The following RSPH10B variants were observed in gnomAD, a reference collection of about 807,000 sequenced individuals.
RSPH10B encodes the protein radial spoke head 10 homolog B (Chlamydomonas).
In RSPH10B, 7 loss-of-function variants were observed where a neutral mutation model predicts 52.5. The observed-to-expected ratio is 0.13, with a 90% CI of 0.08 to 0.25. RSPH10B has a LOEUF of 0.25. RSPH10B is among the 10% of genes least tolerant of loss of function. The probability of loss-of-function intolerance (pLI) is 1.00; values close to 1 mark genes in which losing one functional copy is unlikely to be tolerated. For synonymous variants in RSPH10B, 28 were observed against 193.2 expected, an observed-to-expected ratio of 0.14 and a Z score of 7.09; for missense variants, 89 against 542.5, an observed-to-expected ratio of 0.16 and a Z score of 8.30.
At chr7:5,943,974 G>A in exon 12 of RSPH10B, 1 of 1,604,650 alleles carries the variant, frequency 6.2e-7, no homozygotes, top group Non-Finnish European at 8.5e-7. Flanking sequence ...CACAAGAAGA[G>A]GGATGGGCTT....
chr7:5,927,426 A>T (rs1779558098), intron 18 of RSPH10B, among the ~76,000 whole-genome samples: 1 of 81,638 alleles, frequency 1.2e-5, no homozygotes, highest in Non-Finnish European at 2.4e-5. Flanking sequence ...AGACCTGATT[A>T]AGTCACTGGC....
chr7:5,965,876 G>A (rs1198152646), intron 1 of RSPH10B, among the ~76,000 whole-genome samples, 164 bp from the exon 4 acceptor site: 1 of 118,442 alleles, frequency 8.4e-6, no homozygotes, highest in Non-Finnish European at 1.7e-5. Context: ...GGTTACCAGG[G>A]GTTTGAAAGT....
intron 11 of RSPH10B, among the ~76,000 whole-genome samples, chr7:5,944,265 G>T (rs1780373906): frequency 6.6e-6 from 1 of 150,766 alleles, no homozygotes; most frequent in Non-Finnish European, 1.5e-5. Context: ...GGGCTTGGTG[G>T]CAGACACCGG....
At chr7:5,961,486 C>A (rs1780945576) in intron 3 of RSPH10B, among the ~76,000 whole-genome samples, 1 of 89,678 alleles carries the variant, frequency 1.1e-5, no homozygotes, top group Non-Finnish European at 2.4e-5. Flanking sequence ...ATTACAGGCA[C>A]CCATCATCAC....
rs1283364476 is a variant in RSPH10B, at chr7:5,943,761, G to C, written c.1609+150C>G. On this transcript the variant is annotated intron_variant, in intron 12 of 18. Transcript: ENST00000337579. Reference sequence around the variant, plus strand: ...GGGTTTTGCCATGTTGGCCAGGCTGGTCTTGAACTCCTTGACCTCAGGTGA... The same window carrying C: ...GGGTTTTGCCATGTTGGCCAGGCTGCTCTTGAACTCCTTGACCTCAGGTGA... The C allele has an allele frequency of 1.0e-5, 15 of 1,481,852 alleles. No individual in the cohort carries two copies. The African/African-American group carries it at 1.4e-4, about 14-fold the overall frequency. The allele number at this position is 1,481,852 out of a possible 1,614,324, so 91.8% of individuals were successfully genotyped here. A position where few individuals can be genotyped will look rare whatever the true frequency, so the allele number is the denominator to read the frequency against.
At chr7:5,943,432 C>G (rs148485394) in exon 13 of RSPH10B, 1 of 1,590,628 alleles carries the variant, frequency 6.3e-7, no homozygotes, top group East Asian at 2.2e-5. Context: ...TCATGTAACT[C>G]ATAGAGTAGA....
At chr7:5,961,340 G>GT (rs1021377767) in intron 3 of RSPH10B, among the ~76,000 whole-genome samples, 1 of 146,684 alleles carries the variant, frequency 6.8e-6, no homozygotes, top group African/African-American at 2.5e-5. Flanking sequence ...GATTTTATTT[G>GT]TTTTTGTTTT....
chr7:5,947,785 C>T (rs1191378375), intron 10 of RSPH10B, among the ~76,000 whole-genome samples: 1 of 80,532 alleles, frequency 1.2e-5, no homozygotes, highest in African/African-American at 4.8e-5. Context: ...GCTCACCTTC[C>T]ACTGTGTAGC....
At chr7:5,930,993 G>T (rs1779733241) in intron 17 of RSPH10B, among the ~76,000 whole-genome samples, 1 of 101,916 alleles carries the variant, frequency 9.8e-6, no homozygotes, top group Admixed American at 1.0e-4. Context: ...GAATGCAATG[G>T]CATGGTCTCA....
chr7:5,927,894 C>T (rs1388675280), intron 18 of RSPH10B: 31 of 472,436 alleles, frequency 6.6e-5, no homozygotes, highest in Non-Finnish European at 1.0e-4. Context: ...TGAGATCATA[C>T]CACCCCACTC....
exon 13 of RSPH10B, chr7:5,943,445 G>A (rs374427152): frequency 4.0e-5 from 64 of 1,589,768 alleles, no homozygotes; most frequent in Middle Eastern, 3.4e-4. Flanking sequence ...AGAGTAGAGC[G>A]TCCGCTGTTG....
chr7:5,947,884 G>GTGTA (rs1271023415), intron 10 of RSPH10B, among the ~76,000 whole-genome samples: 1 of 101,976 alleles, frequency 9.8e-6, no homozygotes, highest in African/African-American at 3.8e-5. Context: ...GTGTGTGTGT[G>GTGTA]TGTGTGTGAT....
intron 6 of RSPH10B, 128 bp downstream of exon 8, chr7:5,957,779 G>A: frequency 7.5e-7 from 1 of 1,328,586 alleles, no homozygotes; most frequent in Non-Finnish European, 9.8e-7. Context: ...CTGGGAGACA[G>A]ACAGAGAGAG....
chr7:5,927,096 G>A (rs1279257282), intron 18 of RSPH10B, among the ~76,000 whole-genome samples: 20 of 140,020 alleles, frequency 1.4e-4, no homozygotes, highest in South Asian at 2.2e-4. Context: ...GTGTGTGTGT[G>A]TATTTTTTTT....
chr7:5,927,088 G>GTATATATATATA (rs1779524488), intron 18 of RSPH10B, among the ~76,000 whole-genome samples: 1 of 70,552 alleles, frequency 1.4e-5, no homozygotes, highest in Non-Finnish European at 2.8e-5. Flanking sequence ...GTGTGTGTGT[G>GTATATATATATA]TGTGTGTGTA....
At chr7:5,944,402 A>C (rs1780381421) in intron 11 of RSPH10B, among the ~76,000 whole-genome samples, 1 of 150,898 alleles carries the variant, frequency 6.6e-6, no homozygotes, top group African/African-American at 2.5e-5. Flanking sequence ...CATCTCAAAA[A>C]AATAAATATA....
At chr7:5,942,926 A>ATTTTTT (rs10616078) in intron 13 of RSPH10B, among the ~76,000 whole-genome samples, 3 of 141,044 alleles carry the variant, frequency 2.1e-5, no homozygotes, top group African/African-American at 7.8e-5. Flanking sequence ...ATATATATAT[A>ATTTTTT]TTTTTTTTTA....
At chr7:5,944,231 C>T (rs1472748857) in intron 11 of RSPH10B, among the ~76,000 whole-genome samples, 3 of 150,920 alleles carry the variant, frequency 2.0e-5, no homozygotes, top group African/African-American at 4.9e-5. Flanking sequence ...ACCCCATCTC[C>T]ACTAAAAATA....
chr7:5,931,541 C>G lies in RSPH10B; in HGVS notation c.2233+1241G>C, dbSNP rs1779770155. 4.0e-5 allele frequency among the ~76,000 whole-genome samples: 6 copies of G among 151,334 alleles called. No homozygotes were observed. The South Asian group carries it at 1.2e-3, about 31-fold the overall frequency. On this transcript the variant is annotated intron_variant, in intron 17 of 18. Coordinates refer to ENST00000337579, the Ensembl canonical transcript of RSPH10B. The stretch of plus-strand genomic sequence containing the variant: ...GGGAGTTCAAGACCAGCCTGGGCAA[C>G]ATAGCAAGACCCCATCTCTTTAACA...
Sources: allele counts gnomAD v4.1 joint callset (sites outside exome capture counted in the v4.1 genomes callset), GRCh38; gene constraint gnomAD v4.1.1; transcripts MANE v1.5; gene names NCBI Gene and HGNC (gene_info 2026-07-23, HGNC 2026-07-21).